Variants in XPO6 observed in about 807,000 individuals in gnomAD.
XPO6 encodes exportin-6.
A neutral mutation model predicts 130.0 loss-of-function variants in XPO6; 3 were observed. The observed-to-expected ratio is 0.02, with a 90% CI of 0.01 to 0.06. The LOEUF (loss-of-function observed/expected upper bound fraction) is 0.06. Among genes scored for constraint, XPO6 ranks in the 10% least tolerant of loss-of-function variants. The probability of loss-of-function intolerance (pLI) is 1.00; values close to 1 mark genes in which losing one functional copy is unlikely to be tolerated. For missense variants in XPO6, 970 were observed against 1,393.0 expected, an observed-to-expected ratio of 0.70 and a Z score of 4.83; for synonymous variants, 524 against 548.9, an observed-to-expected ratio of 0.95 and a Z score of 0.63.
intron 21 of XPO6, among the ~76,000 whole-genome samples, chr16:28,102,940 G>A (rs1334442197): frequency 6.6e-6 from 1 of 152,122 alleles, no homozygotes; most frequent in Admixed American, 6.5e-5. Context: ...TAAGCTACCA[G>A]AGGAGGATCT....
At chr16:28,173,560 T>C (rs772617591) in intron 4 of XPO6, among the ~76,000 whole-genome samples, 16 of 152,076 alleles carry the variant, frequency 1.1e-4, no homozygotes, top group Admixed American at 2.6e-4. Flanking sequence ...CTAGGCAACA[T>C]AGTGAGACTC....
At chr16:28,191,170 A>ACAG (rs1455508082) in intron 1 of XPO6, among the ~76,000 whole-genome samples, 3 of 152,228 alleles carry the variant, frequency 2.0e-5, no homozygotes, top group Non-Finnish European at 2.9e-5. Flanking sequence ...CCACAGTTAC[A>ACAG]CAGCCTAGAC....
At chr16:28,111,057 A>C (rs1032998615) in intron 17 of XPO6, 2 of 152,200 alleles carry the variant, frequency 1.3e-5, no homozygotes, top group Non-Finnish European at 2.9e-5. Flanking sequence ...CCTTCTTTGT[A>C]TTATTCTATT....
chr16:28,169,264 T>G (rs1471070299), intron 5 of XPO6, among the ~76,000 whole-genome samples: 1 of 152,198 alleles, frequency 6.6e-6, no homozygotes, highest in Non-Finnish European at 1.5e-5. Context: ...TTACACCTTG[T>G]CATGAGGCTC....
chr16:28,167,452 T>C (rs1319205646), intron 5 of XPO6, among the ~76,000 whole-genome samples: 1 of 152,146 alleles, frequency 6.6e-6, no homozygotes, highest in Non-Finnish European at 1.5e-5. Context: ...TGCTGTTCCT[T>C]CTACATGTGT....
intron 10 of XPO6, among the ~76,000 whole-genome samples, chr16:28,134,415 G>A (rs745394401): frequency 6.6e-6 from 1 of 152,198 alleles, no homozygotes; most frequent in Non-Finnish European, 1.5e-5. Context: ...CTGTTCCAGT[G>A]ATTCTTATCC....
Position 28,111,902 on chromosome 16 carries a change from G to C in XPO6, c.2256C>G (p.Ala752=), listed in dbSNP as rs751501387. ...CCCGGGAGAGTGCAGAGATGAGGCT[G>C]GCGTGGTTGATGGAGCGCACGGGCC... ...QQWPVRSINH[A]SLISALSRDY... The change falls in exon 17 of 24, where the codon GCC becomes GCG. Residue 752 remains alanine (A), a synonymous_variant. Transcript: ENST00000304658. 3.1e-6 allele frequency: 5 copies of C among 1,614,188 alleles called. No individual in the cohort carries two copies. Among genetic ancestry groups the C allele is most frequent in the Non-Finnish European group, 4.2e-6 (5 of 1,180,026 alleles).
chr16:28,188,872 CAGG>C (rs2141885147), intron 1 of XPO6, among the ~76,000 whole-genome samples: 1 of 152,234 alleles, frequency 6.6e-6, no homozygotes, highest in Non-Finnish European at 1.5e-5. Flanking sequence ...AAGCCCCAGT[CAGG>C]AGAACGACAT....
intron 9 of XPO6, among the ~76,000 whole-genome samples, chr16:28,145,604 G>T (rs1281926882): frequency 6.6e-6 from 1 of 152,050 alleles, no homozygotes; most frequent in African/African-American, 2.4e-5. Flanking sequence ...TTCTTAACAG[G>T]TATTTATTAA....
At chr16:28,175,493 A>T (rs1299474181) in intron 4 of XPO6, among the ~76,000 whole-genome samples, 2 of 152,264 alleles carry the variant, frequency 1.3e-5, no homozygotes, top group East Asian at 3.9e-4. Context: ...CCAAGTCTAC[A>T]TGCTATGCCA....
intron 1 of XPO6, among the ~76,000 whole-genome samples, chr16:28,192,012 C>A (rs2043794160): frequency 6.6e-6 from 1 of 152,176 alleles, no homozygotes; most frequent in Non-Finnish European, 1.5e-5. Flanking sequence ...GTAATCCCAG[C>A]ACTGTGGGAG....
Position 28,175,887 on chromosome 16 carries a change from C to T in XPO6, c.405+11G>A. 8.7e-6 allele frequency: 14 copies of T among 1,611,362 alleles called. No homozygotes were observed. Among genetic ancestry groups the T allele is most frequent in the Non-Finnish European group, 1.1e-5 (13 of 1,177,498 alleles). On this transcript the variant is annotated intron_variant, in intron 4 of 23. Transcript: ENST00000304658. Reference sequence around the variant, plus strand: ...ATTCACAAGATAAAGTTTCCTTAGGCATATCCTTACCTGTAAAATGTTAGT... The same window carrying T: ...ATTCACAAGATAAAGTTTCCTTAGGTATATCCTTACCTGTAAAATGTTAGT...
At position 28,125,910 on chromosome 16, in the gene XPO6, A is replaced by G. The variant is rs912759486; in HGVS notation, c.1607-62T>C. ...GACCACGCTTTAGATACTACAGATA[A>G]CAGCTGGTCCAGCAAGCCACACACA... On this transcript the variant is annotated intron_variant, in intron 12 of 23. Coordinates refer to ENST00000304658, the MANE Select transcript of XPO6 (RefSeq NM_015171.4). 2.6e-6 allele frequency: 4 copies of G among 1,558,360 alleles called. No homozygotes were observed. In the Admixed American group the frequency reaches 7.5e-5, roughly 29 times the overall value.
intron 14 of XPO6, among the ~76,000 whole-genome samples, chr16:28,121,318 T>G (rs2087230657): frequency 6.6e-6 from 1 of 152,366 alleles, no homozygotes; most frequent in South Asian, 2.1e-4. Flanking sequence ...ACTGATGGCA[T>G]CTGAGGTGTT....
chr16:28,157,771 TCAA>T (rs2043207068), intron 6 of XPO6, among the ~76,000 whole-genome samples: 1 of 152,160 alleles, frequency 6.6e-6, no homozygotes, highest in Admixed American at 6.5e-5. Flanking sequence ...ATGCCAGACG[TCAA>T]GTACAAGGAA....
chr16:28,132,888 G>T lies in XPO6; in HGVS notation c.1537-485C>A, dbSNP rs1371371061. ...AAGTCAGTTCCCTGGCTCAAGTAGC[G>T]GTCAGAACGTCATAACCGGAGCTGC... On this transcript the variant is annotated intron_variant, in intron 11 of 23. Coordinates refer to ENST00000304658, the MANE Select transcript of XPO6 (RefSeq NM_015171.4). The surrounding 1 kb of genome is among the most constrained non-coding windows in gnomAD (Gnocchi z 4.0). 6.6e-6 allele frequency among the ~76,000 whole-genome samples: 1 copy of T among 152,166 alleles called. No individual in the cohort carries two copies. Among genetic ancestry groups the T allele is most frequent in the Non-Finnish European group, 1.5e-5 (1 of 68,048 alleles).
At chr16:28,156,611 T>C (rs935477235) in intron 6 of XPO6, 84 bp from the exon 7 acceptor site, 1 of 810,836 alleles carries the variant, frequency 1.2e-6, no homozygotes, top group South Asian at 2.4e-5. Context: ...AAAAAATATA[T>C]ATATATATGT....
At chr16:28,199,765 C>T (rs908735281) in intron 1 of XPO6, among the ~76,000 whole-genome samples, 5 of 151,966 alleles carry the variant, frequency 3.3e-5, no homozygotes, top group East Asian at 2.0e-4. Context: ...AGGCTGGTCT[C>T]GAACGCCTGA....
intron 1 of XPO6, among the ~76,000 whole-genome samples, chr16:28,185,067 G>T (rs1455415610): frequency 1.3e-5 from 2 of 152,118 alleles, no homozygotes; most frequent in Non-Finnish European, 2.9e-5. Context: ...TCTTGATAGA[G>T]GAGAATATTA....
Sources: gnomAD v4.1 joint callset for allele counts (sites outside exome capture counted in the v4.1 genomes callset) on GRCh38, gnomAD v4.1.1 for gene constraint, Gnocchi (gnomAD v3.1) non-coding constraint, MANE v1.5 for transcripts, NCBI Gene and HGNC (gene_info 2026-07-23, HGNC 2026-07-21) for gene names.